Variants in HS2ST1 observed in about 807,000 individuals in gnomAD.
The protein encoded by HS2ST1 is 2-O-sulfotransferase.
HS2ST1 carries 18 observed loss-of-function variants against 42.9 expected under a neutral mutation model. The observed-to-expected ratio is 0.42, with a 90% confidence interval of 0.29 to 0.62. The LOEUF (loss-of-function observed/expected upper bound fraction) is 0.62. Among genes scored for constraint, HS2ST1 ranks in the 20% least tolerant of loss-of-function variants. The pLI is 0.21. For synonymous variants in HS2ST1, 146 were observed against 152.9 expected, an observed-to-expected ratio of 0.95 and a Z score of 0.33; for missense variants, 334 against 433.8, an observed-to-expected ratio of 0.77 and a Z score of 2.04.
intron 1 of HS2ST1, among the ~76,000 whole-genome samples, chr1:86,924,275 C>T (rs1435144654): frequency 2.6e-5 from 4 of 152,196 alleles, no homozygotes; most frequent in Admixed American, 6.5e-5. Flanking sequence ...CATGATATAG[C>T]CCCCCACTCC....
chr1:86,973,721 A>G (rs1242952918), intron 1 of HS2ST1, among the ~76,000 whole-genome samples: 3 of 152,196 alleles, frequency 2.0e-5, no homozygotes, highest in Non-Finnish European at 4.4e-5. Context: ...TGAAGTGAGT[A>G]TATTTTATTG....
intron 1 of HS2ST1, among the ~76,000 whole-genome samples, chr1:86,991,859 CTCTT>C (rs1426269776): frequency 2.6e-5 from 4 of 151,372 alleles, no homozygotes; most frequent in African/African-American, 7.3e-5. Context: ...GTACAAAATG[CTCTT>C]TCTAAGAAAG....
intron 1 of HS2ST1, among the ~76,000 whole-genome samples, chr1:87,010,503 T>C (rs1348382536): frequency 6.6e-6 from 1 of 152,186 alleles, no homozygotes; most frequent in Non-Finnish European, 1.5e-5. Flanking sequence ...GAAAAAAATA[T>C]TATTCCCTCC....
At chr1:86,961,276 T>G (rs992789693) in intron 1 of HS2ST1, among the ~76,000 whole-genome samples, 1 of 151,732 alleles carries the variant, frequency 6.6e-6, no homozygotes, top group Non-Finnish European at 1.5e-5. Context: ...AGCAATAAAA[T>G]GAACTACAGA....
rs777623304 is a variant in HS2ST1, at chr1:87,078,471, C to T, written c.363+5299C>T. The stretch of plus-strand genomic sequence containing the variant: ...TTTACACTCTGCTTCAGGCTAGCTG[C>T]GTTTCATGTACTATATCTGACTACT... On this transcript the variant is annotated intron_variant, in intron 2 of 6. Coordinates refer to ENST00000370550, the MANE Select transcript of HS2ST1 (RefSeq NM_012262.4). 2.0e-5 allele frequency among the ~76,000 whole-genome samples: 3 copies of T among 152,258 alleles called. No homozygotes were observed. The East Asian group carries it at 5.8e-4, about 29-fold the overall frequency.
intron 1 of HS2ST1, among the ~76,000 whole-genome samples, chr1:86,970,142 T>A (rs772970091): frequency 2.3e-4 from 33 of 146,198 alleles, no homozygotes; most frequent in Non-Finnish European, 3.5e-4. Context: ...AAAAAAAAAA[T>A]GAGTATTTAG....
intron 1 of HS2ST1, among the ~76,000 whole-genome samples, chr1:87,061,269 G>A (rs921914446): frequency 1.3e-5 from 2 of 152,108 alleles, no homozygotes; most frequent in African/African-American, 2.4e-5. Context: ...ACAAACATAA[G>A]TTAGCCATTT....
chr1:87,036,045 T>C (rs1484242254), intron 1 of HS2ST1, among the ~76,000 whole-genome samples: 1 of 152,156 alleles, frequency 6.6e-6, no homozygotes, highest in Non-Finnish European at 1.5e-5. Flanking sequence ...ATTGTTCAAC[T>C]CCCACTTATG....
chr1:87,001,463 A>C (rs535232046), intron 1 of HS2ST1, among the ~76,000 whole-genome samples: 5 of 152,236 alleles, frequency 3.3e-5, no homozygotes, highest in African/African-American at 2.4e-5. Flanking sequence ...TAAAACTTCA[A>C]ATATTTAAAT....
chr1:86,948,248 CAT>C (rs1323385002), intron 1 of HS2ST1, among the ~76,000 whole-genome samples: 9 of 152,266 alleles, frequency 5.9e-5, no homozygotes, highest in African/African-American at 2.2e-4. Context: ...GAGGAGACTG[CAT>C]ATGAGTTTGC....
chr1:87,062,610 A>G (rs1378094133), intron 1 of HS2ST1, among the ~76,000 whole-genome samples: 1 of 152,134 alleles, frequency 6.6e-6, no homozygotes, highest in African/African-American at 2.4e-5. Context: ...TATTGTATTT[A>G]CACATATTTT....
At chr1:87,054,434 A>G (rs140446644) in intron 1 of HS2ST1, among the ~76,000 whole-genome samples, 10 of 152,302 alleles carry the variant, frequency 6.6e-5, no homozygotes, top group African/African-American at 1.2e-4. Flanking sequence ...AGGAAATGCC[A>G]GAAAGTATGG....
intron 1 of HS2ST1, among the ~76,000 whole-genome samples, chr1:87,033,823 C>G (rs772412720): frequency 6.6e-6 from 1 of 152,166 alleles, no homozygotes; most frequent in South Asian, 2.1e-4. Context: ...GGATTACAGG[C>G]GTGAGCCACC....
intron 1 of HS2ST1, among the ~76,000 whole-genome samples, chr1:86,930,234 T>C (rs1660516442): frequency 6.6e-6 from 1 of 151,964 alleles, no homozygotes. Flanking sequence ...TTGCGTATTA[T>C]AATGTTTTAT....
rs990528884 is a variant in HS2ST1 at position 86,914,894 on chromosome 1, G to C, written c.-143G>C. Reference sequence around the variant, plus strand: ...GGAGGGGGACTGGAGAGGCGAGAAGGGGGGTCGCTGCGGTGGTTCTCTCGC... The same window carrying C: ...GGAGGGGGACTGGAGAGGCGAGAAGCGGGGTCGCTGCGGTGGTTCTCTCGC... On this transcript the variant is annotated 5_prime_UTR_variant, in exon 1 of 7. Transcript: ENST00000370550. The C allele has an allele frequency of 1.2e-4, 113 of 956,482 alleles. No individual in the cohort carries two copies. Among genetic ancestry groups the C allele is most frequent in the South Asian group, 2.5e-4 (16 of 65,238 alleles). 59.2% of individuals were successfully genotyped at this position (956,482 alleles called of 1,614,324 possible). A position where few individuals can be genotyped will look rare whatever the true frequency, so the allele number is the denominator to read the frequency against.
At chr1:87,091,950 G>A (rs753014850) in intron 3 of HS2ST1, among the ~76,000 whole-genome samples, 1 of 151,962 alleles carries the variant, frequency 6.6e-6, no homozygotes. Context: ...AGATTGACAT[G>A]TTCACACTTG....
intron 1 of HS2ST1, among the ~76,000 whole-genome samples, chr1:87,020,065 G>A (rs1649869306): frequency 6.6e-6 from 1 of 152,160 alleles, no homozygotes; most frequent in African/African-American, 2.4e-5. Flanking sequence ...TCTGTGAAAT[G>A]ACTTTGGGAG....
At chr1:86,975,105 A>G (rs1468112992) in intron 1 of HS2ST1, among the ~76,000 whole-genome samples, 2 of 152,110 alleles carry the variant, frequency 1.3e-5, no homozygotes, top group African/African-American at 4.8e-5. Flanking sequence ...CGGTTGGCAT[A>G]CCCTTATGTA....
At chr1:86,930,868 T>C (rs184929272) in intron 1 of HS2ST1, among the ~76,000 whole-genome samples, 1 of 152,094 alleles carries the variant, frequency 6.6e-6, no homozygotes, top group East Asian at 1.9e-4. Context: ...CAGGAGAAAT[T>C]AAGAGATGAG....
Sources: allele counts gnomAD v4.1 joint callset (sites outside exome capture counted in the v4.1 genomes callset), GRCh38; gene constraint gnomAD v4.1.1; transcripts MANE v1.5; gene names NCBI Gene and HGNC (gene_info 2026-07-23, HGNC 2026-07-21).